SORCS1: variants seen among roughly 807,000 people sequenced by gnomAD.
SORCS1 encodes sortilin related VPS10 domain containing receptor 1.
Under a neutral mutation model 146.1 loss-of-function variants are expected in SORCS1, and 60 were observed. That is an observed-to-expected ratio of 0.41 (90% CI 0.33 to 0.51). The LOEUF is 0.51. SORCS1 is among the 20% of genes least tolerant of loss of function. The pLI, the probability that SORCS1 is intolerant of heterozygous loss-of-function variation, is 0.21. For missense variants in SORCS1, 1,352 were observed against 1,487.6 expected, an observed-to-expected ratio of 0.91 and a Z score of 1.50; for synonymous variants, 637 against 584.0, an observed-to-expected ratio of 1.09 and a Z score of -1.31.
At chr10:107,092,450 T>C (rs1251688998) in intron 1 of SORCS1, among the ~76,000 whole-genome samples, 1 of 152,238 alleles carries the variant, frequency 6.6e-6, no homozygotes, top group East Asian at 1.9e-4. Flanking sequence ...GCATAGGGCT[T>C]GGCACACACT....
Position 107,161,624 on chromosome 10 carries a change from G to A in SORCS1, c.558+2345C>T, listed in dbSNP as rs565213629. Among the ~76,000 whole-genome samples, 4 of 152,058 alleles carry A rather than the reference G, an allele frequency of 2.6e-5. No homozygotes were observed. In the East Asian group the frequency reaches 7.7e-4, roughly 29 times the overall value. Reference sequence around the variant, plus strand: ...TTCAGCGGACACTCAACTTGCCTCGGTCAAACCACAAATAAGCAGAACTAG... The same window carrying A: ...TTCAGCGGACACTCAACTTGCCTCGATCAAACCACAAATAAGCAGAACTAG... On this transcript the variant is annotated intron_variant, in intron 1 of 25. Transcript: ENST00000263054.
At chr10:106,593,382 TC>T (rs1845726375) in intron 24 of SORCS1, among the ~76,000 whole-genome samples, 2 of 152,208 alleles carry the variant, frequency 1.3e-5, no homozygotes, top group Admixed American at 1.3e-4. Flanking sequence ...CAATTGCTGT[TC>T]CCGTTGACAC....
At chr10:106,806,505 CTTTTTTTTTTTTTTTTTT>C (rs1191296212) in intron 3 of SORCS1, among the ~76,000 whole-genome samples, 7 of 70,468 alleles carry the variant, frequency 9.9e-5, no homozygotes, top group Non-Finnish European at 1.4e-4. Context: ...GAGAGGAAGC[CTTTTTTTTTTTTTTTTTT>C]TTTTTTTTTT....
intron 2 of SORCS1, among the ~76,000 whole-genome samples, chr10:106,951,960 C>G (rs1158727838): frequency 6.6e-6 from 1 of 152,168 alleles, no homozygotes; most frequent in East Asian, 1.9e-4. Flanking sequence ...TTTGTTTCAT[C>G]TGAGTTCCCT....
intron 2 of SORCS1, 92 bp downstream of exon 2, chr10:106,956,421 A>C (rs1954944760): frequency 4.4e-6 from 5 of 1,144,970 alleles, no homozygotes; most frequent in Non-Finnish European, 6.5e-6. Context: ...TATCACCAGG[A>C]ACCTTCCTGC....
intron 1 of SORCS1, among the ~76,000 whole-genome samples, chr10:107,052,816 CT>C (rs1382228968): frequency 6.6e-6 from 1 of 151,868 alleles, no homozygotes; most frequent in East Asian, 1.9e-4. Context: ...GAAATAGGCC[CT>C]TATTAGAACA....
intron 1 of SORCS1, among the ~76,000 whole-genome samples, chr10:107,134,448 C>T (rs572264585): frequency 6.6e-6 from 1 of 152,208 alleles, no homozygotes; most frequent in East Asian, 1.9e-4. Flanking sequence ...ACCATCCTGG[C>T]TAACATGGTG....
chr10:106,843,678 G>A (rs1210113279), intron 2 of SORCS1, among the ~76,000 whole-genome samples: 1 of 151,960 alleles, frequency 6.6e-6, no homozygotes, highest in Non-Finnish European at 1.5e-5. Flanking sequence ...CTCGTGATCT[G>A]CCCACCTTGG....
chr10:106,600,461 A>G (rs1348366309), intron 23 of SORCS1: 22 of 983,044 alleles, frequency 2.2e-5, no homozygotes, highest in East Asian at 1.1e-4. Flanking sequence ...AATAATCTCA[A>G]TTAGAACCAT....
chr10:106,870,777 G>T (rs1404409808), intron 2 of SORCS1, among the ~76,000 whole-genome samples: 1 of 152,102 alleles, frequency 6.6e-6, no homozygotes, highest in Non-Finnish European at 1.5e-5. Flanking sequence ...CATAGGAACA[G>T]GCAAAGATTG....
At chr10:106,914,710 G>T (rs575443694) in intron 2 of SORCS1, among the ~76,000 whole-genome samples, 1 of 152,150 alleles carries the variant, frequency 6.6e-6, no homozygotes, top group African/African-American at 2.4e-5. Flanking sequence ...TATCCAATTA[G>T]CTCATTAGCC....
chr10:106,671,401 A>T, intron 15 of SORCS1, 34 bp from the exon 16 acceptor site: 1 of 1,612,854 alleles, frequency 6.2e-7, no homozygotes, highest in South Asian at 1.1e-5. Flanking sequence ...ATACTTGGGC[A>T]CATAGCTTGG....
At chr10:106,958,724 C>G in intron 1 of SORCS1, among the ~76,000 whole-genome samples, 1 of 151,902 alleles carries the variant, frequency 6.6e-6, no homozygotes, top group Non-Finnish European at 1.5e-5. Context: ...GCGGGGCACC[C>G]CATGGACACA....
chr10:106,739,470 G>C (rs978966663), intron 5 of SORCS1, among the ~76,000 whole-genome samples: 1 of 149,466 alleles, frequency 6.7e-6, no homozygotes, highest in South Asian at 2.1e-4. Context: ...GGGTGACAGA[G>C]AGAGAGAGAC....
intron 2 of SORCS1, among the ~76,000 whole-genome samples, chr10:106,858,595 A>C (rs1408987376): frequency 7.8e-6 from 1 of 128,806 alleles, no homozygotes; most frequent in African/African-American, 2.9e-5. Flanking sequence ...GAGACAGAGC[A>C]AGCCTCTGTC....
chr10:106,977,803 G>C (rs982713798), intron 1 of SORCS1, among the ~76,000 whole-genome samples: 1 of 152,150 alleles, frequency 6.6e-6, no homozygotes, highest in African/African-American at 2.4e-5. Flanking sequence ...TTGACACATA[G>C]TACGGCTTCG....
intron 24 of SORCS1, among the ~76,000 whole-genome samples, chr10:106,590,270 T>G (rs1490365976): frequency 6.6e-6 from 1 of 152,162 alleles, no homozygotes; most frequent in African/African-American, 2.4e-5. Context: ...CATAGAACAT[T>G]TTTTCATTCT....
intron 1 of SORCS1, among the ~76,000 whole-genome samples, chr10:107,103,835 C>CAAAT (rs1243099902): frequency 5.9e-5 from 9 of 152,260 alleles, no homozygotes; most frequent in Admixed American, 5.9e-4. Context: ...ACTCAAAGAC[C>CAAAT]AAATCCTCCT....
intron 2 of SORCS1, among the ~76,000 whole-genome samples, chr10:106,927,340 T>C (rs1953102725): frequency 6.6e-6 from 1 of 152,072 alleles, no homozygotes; most frequent in Admixed American, 6.6e-5. Flanking sequence ...TTACAGCTTT[T>C]AAGGCGGCGC....
Sources: allele counts gnomAD v4.1 joint callset (sites outside exome capture counted in the v4.1 genomes callset), GRCh38; gene constraint gnomAD v4.1.1; transcripts MANE v1.5; gene names NCBI Gene and HGNC (gene_info 2026-07-23, HGNC 2026-07-21).